The following AKAP13 variants were observed in gnomAD, a reference collection of about 807,000 sequenced individuals.
AKAP13 encodes A-kinase anchoring protein 13.
A neutral mutation model predicts 264.5 loss-of-function variants in AKAP13; 80 were observed. The observed-to-expected ratio is 0.30, with a 90% confidence interval of 0.25 to 0.36. The LOEUF is 0.36. AKAP13 is among the 10% of genes least tolerant of loss of function. The probability of loss-of-function intolerance (pLI) is 1.00; values close to 1 mark genes in which losing one functional copy is unlikely to be tolerated. For synonymous variants in AKAP13, 1,380 were observed against 1,250.2 expected, an observed-to-expected ratio of 1.10 and a Z score of -2.19; for missense variants, 3,712 against 3,435.2, an observed-to-expected ratio of 1.08 and a Z score of -2.01.
At chr15:85,426,182 T>C (rs2072768327) in intron 1 of AKAP13, among the ~76,000 whole-genome samples, 1 of 152,214 alleles carries the variant, frequency 6.6e-6, no homozygotes, top group South Asian at 2.1e-4. Flanking sequence ...TATTTTATAT[T>C]GGTTTAGTCA....
intron 14 of AKAP13, chr15:85,676,881 G>A (rs921457789): frequency 4.3e-6 from 4 of 939,358 alleles, no homozygotes; most frequent in Non-Finnish European, 2.5e-6. Context: ...TCCCGGAACC[G>A]CATAGGCCAT....
Position 85,727,202 on chromosome 15 carries a change from A to G in AKAP13, c.6959A>G (p.Glu2320Gly). The change falls in exon 28 of 37, where the codon GAA becomes GGA. Residue 2320 changes from glutamate (E) to glycine (G), a missense_variant. Around this residue, in one of 3 missense-constraint regions of AKAP13, gnomAD observed 342 missense variants for 484.3 expected, o/e 0.71. Coordinates refer to ENST00000394518, the MANE Select transcript of AKAP13 (RefSeq NM_007200.5). This position sits in a 1 kb window ranked among gnomAD's most constrained non-coding sequence, Gnocchi z 5.3. ...MVEVHASSKE[E>G]RNSWIQIIQD... ...GAAGTCCATGCCAGCTCCAAAGAGG[A>G]ACGAAACAGCTGGATTCAGATCATT... 6.2e-7 allele frequency: 1 copy of G among 1,614,178 alleles called. No individual in the cohort carries two copies. Among genetic ancestry groups the G allele is most frequent in the Non-Finnish European group, 8.5e-7 (1 of 1,180,022 alleles).
rs1337462826 is a variant in AKAP13, at chr15:85,591,656, G to C, written c.4161+5833G>C. ...AGTTCAGAAAAAGTTCAGAAAAGAG[G>C]GCCGTCTGACACCATTCGCCTTCAT... On this transcript the variant is annotated intron_variant, in intron 8 of 36. Transcript: ENST00000394518. Among the ~76,000 whole-genome samples, 5 of 151,164 alleles carry C rather than the reference G, an allele frequency of 3.3e-5. No homozygotes were observed. The East Asian group carries it at 9.7e-4, about 29-fold the overall frequency.
At chr15:85,641,548 C>G (rs1450438094) in intron 9 of AKAP13, among the ~76,000 whole-genome samples, 1 of 151,402 alleles carries the variant, frequency 6.6e-6, no homozygotes, top group Non-Finnish European at 1.5e-5. Context: ...TGCAGTGGCA[C>G]AATCTCGGCT....
chr15:85,421,171 A>G (rs190126772), intron 1 of AKAP13, among the ~76,000 whole-genome samples: 13 of 152,368 alleles, frequency 8.5e-5, no homozygotes, highest in Non-Finnish European at 1.2e-4. Flanking sequence ...CCAGGTGTCA[A>G]AACAGTCCAA....
intron 1 of AKAP13, among the ~76,000 whole-genome samples, chr15:85,459,279 G>C (rs999906627): frequency 7.3e-5 from 11 of 151,034 alleles, no homozygotes; most frequent in Admixed American, 3.3e-4. Context: ...TCTGCCTTCC[G>C]GGTTCAAAAG....
chr15:85,386,105 G>A (rs568319021), intron 1 of AKAP13, among the ~76,000 whole-genome samples: 15 of 152,026 alleles, frequency 9.9e-5, no homozygotes, highest in Non-Finnish European at 1.0e-4. Context: ...GATTACAGGC[G>A]CGAGCCACTG....
chr15:85,426,910 C>G (rs1186855686), intron 1 of AKAP13, among the ~76,000 whole-genome samples: 2 of 148,750 alleles, frequency 1.3e-5, no homozygotes, highest in Non-Finnish European at 3.0e-5. Flanking sequence ...TTGTATGTGT[C>G]TGAAGTACTG....
Position 85,543,170 on chromosome 15 carries a change from C to T in AKAP13, c.479-602C>T, listed in dbSNP as rs538019856. ...ATTGTGCCAGGAGATGCATTTCTTC[C>T]TCTCATTAAACAAATAAATAAAGCT... On this transcript the variant is annotated intron_variant, in intron 4 of 36. Coordinates refer to ENST00000394518, the MANE Select transcript of AKAP13 (RefSeq NM_007200.5). Among the ~76,000 whole-genome samples, 8 of 152,246 alleles carry T rather than the reference C, an allele frequency of 5.3e-5. No individual in the cohort carries two copies. The East Asian group carries it at 1.4e-3, about 26-fold the overall frequency.
chr15:85,580,000 C>T lies in AKAP13; in HGVS notation c.1932C>T (p.Ser644=), dbSNP rs113595243. The part of the protein sequence containing the change: ...NSETNSSHAQ[S]QKGKSSPICS... ...AAACAAATTCATCTCATGCTCAAAG[C>T]CAAAAGGGCAAATCCTCACCCATTT... Residue 644 remains serine (S), a synonymous_variant, in exon 7 of 37, where the codon AGC becomes AGT. Coordinates refer to ENST00000394518, the MANE Select transcript of AKAP13 (RefSeq NM_007200.5). 2.1e-3 allele frequency: 3,412 copies of T among 1,614,038 alleles called. 11 individuals carry two copies. Among genetic ancestry groups the T allele is most frequent in the Non-Finnish European group, 2.4e-3 (2,779 of 1,180,024 alleles).
Position 85,669,758 on chromosome 15 carries a change from T to C in AKAP13, c.5029T>C (p.Cys1677Arg). Reference protein sequence around the residue: ...HRSKQQGFNYCTSAISSPLTK... With the variant: ...HRSKQQGFNYRTSAISSPLTK... ...ATCTAAGCAGCAGGGATTTAATTACTGTACATCAGCCATTTCCTCTCCATT... is the reference window on the plus strand; with the variant it reads ...ATCTAAGCAGCAGGGATTTAATTACCGTACATCAGCCATTTCCTCTCCATT... Residue 1677 changes from cysteine to arginine, a missense_variant, in exon 14 of 37, where the codon TGT becomes CGT. By Grantham distance (180) the Cys-to-Arg change is radical. This residue lies in a region of AKAP13 where 2,759 missense variants were observed against 2,411.7 expected (regional missense o/e 1.14). Coordinates refer to ENST00000394518, the MANE Select transcript of AKAP13 (RefSeq NM_007200.5). 6.2e-7 allele frequency: 1 copy of C among 1,613,734 alleles called. No individual in the cohort carries two copies. Among genetic ancestry groups the C allele is most frequent in the Non-Finnish European group, 8.5e-7 (1 of 1,179,646 alleles).
chr15:85,396,263 G>T (rs900520218), intron 1 of AKAP13, among the ~76,000 whole-genome samples: 2 of 152,166 alleles, frequency 1.3e-5, no homozygotes, highest in Non-Finnish European at 2.9e-5. Context: ...GCTCTTGCCT[G>T]ATGGTTGTGC....
chr15:85,483,570 G>C (rs1174080882), intron 1 of AKAP13, among the ~76,000 whole-genome samples: 1 of 143,526 alleles, frequency 7.0e-6, no homozygotes, highest in Non-Finnish European at 1.5e-5. Flanking sequence ...AGCTTGCAGT[G>C]AGCCGAGATT....
Position 85,734,976 on chromosome 15 carries a change from GT to G in AKAP13, c.7283-13del. 2.5e-6 allele frequency: 4 copies of G among 1,610,682 alleles called. No individual in the cohort carries two copies. Among genetic ancestry groups the G allele is most frequent in the Non-Finnish European group, 3.4e-6 (4 of 1,178,630 alleles). ...GAAAGATAAGATGTCAGCTTTGCAT[GT>G]TTCCTTTATTCCAGTGGAGATCCTT... On this transcript the variant is annotated splice_polypyrimidine_tract_variant and intron_variant, in intron 30 of 36. Coordinates refer to ENST00000394518, the MANE Select transcript of AKAP13 (RefSeq NM_007200.5).
intron 26 of AKAP13, chr15:85,726,101 A>G (rs1026137052): frequency 4.5e-6 from 1 of 224,050 alleles, no homozygotes; most frequent in African/African-American, 2.3e-5. Context: ...CTTTATTCTT[A>G]AAAGTATTTT....
At chr15:85,434,584 G>C (rs1277106949) in intron 1 of AKAP13, among the ~76,000 whole-genome samples, 3 of 151,878 alleles carry the variant, frequency 2.0e-5, no homozygotes, top group Non-Finnish European at 4.4e-5. Flanking sequence ...TGACAGCTTT[G>C]AAGAGAGCAG....
At chr15:85,508,229 G>A (rs758254670) in intron 2 of AKAP13, among the ~76,000 whole-genome samples, 1 of 150,262 alleles carries the variant, frequency 6.7e-6, no homozygotes, top group Non-Finnish European at 1.5e-5. Flanking sequence ...TTGCAGCCTC[G>A]ACTTCCTGGG....
At chr15:85,659,618 C>G (rs1194691292) in intron 12 of AKAP13, among the ~76,000 whole-genome samples, 1 of 148,506 alleles carries the variant, frequency 6.7e-6, no homozygotes, top group Non-Finnish European at 1.5e-5. Context: ...TTTGGAGATA[C>G]GTTTGTCTGG....
chr15:85,446,183 C>T (rs191353950), intron 1 of AKAP13, among the ~76,000 whole-genome samples: 3 of 152,094 alleles, frequency 2.0e-5, no homozygotes, highest in Non-Finnish European at 2.9e-5. Flanking sequence ...AGAGAATTGA[C>T]ACATACTATA....
Sources: gnomAD v4.1 joint callset for allele counts (sites outside exome capture counted in the v4.1 genomes callset) on GRCh38, gnomAD v4.1.1 for gene constraint, gnomAD v4.1.1 regional missense constraint, Gnocchi (gnomAD v3.1) non-coding constraint, MANE v1.5 for transcripts, NCBI Gene and HGNC (gene_info 2026-07-23, HGNC 2026-07-21) for gene names.